QTMAN: variants seen among roughly 807,000 people sequenced by gnomAD.
QTMAN encodes the protein tRNA-queuosine alpha-mannosyltransferase.
chr2:144,222,669 A>G, the QTMAN span, among the ~76,000 whole-genome samples: 1 of 151,924 alleles, frequency 6.6e-6, no homozygotes, highest in African/African-American at 2.4e-5. Flanking sequence ...TTAGCCAGGC[A>G]TGGTGGCAGG....
the QTMAN span, among the ~76,000 whole-genome samples, chr2:144,281,181 G>A: frequency 6.6e-6 from 1 of 150,916 alleles, no homozygotes; most frequent in Non-Finnish European, 1.5e-5. Flanking sequence ...TTGCCTGGGA[G>A]AGAGTGAAAC....
chr2:144,050,504 G>A, the QTMAN span, among the ~76,000 whole-genome samples: 6 of 151,994 alleles, frequency 3.9e-5, no homozygotes, highest in African/African-American at 1.5e-4. Flanking sequence ...GTTGAGAGGA[G>A]TTGCTTTTAT....
the QTMAN span, among the ~76,000 whole-genome samples, chr2:144,126,885 G>A: frequency 6.6e-6 from 1 of 151,876 alleles, no homozygotes; most frequent in Non-Finnish European, 1.5e-5. Context: ...TAATCTTTTT[G>A]GTAATAACTA....
chr2:144,099,347 TAGTAAATAGAAGAC>T, the QTMAN span, among the ~76,000 whole-genome samples: 5 of 152,160 alleles, frequency 3.3e-5, no homozygotes, highest in Non-Finnish European at 5.9e-5. Context: ...GATGCAAATG[TAGTAAATAGAAGAC>T]AGAATGTTAT....
At chr2:144,242,791 G>A in the QTMAN span, among the ~76,000 whole-genome samples, 1,731 of 151,570 alleles carry the variant, frequency 0.011, 30 homozygotes, top group African/African-American at 0.04. Context: ...GCAAAACCCC[G>A]TCTCTATTAA....
chr2:144,033,486 A>T, the QTMAN span, among the ~76,000 whole-genome samples: 1 of 152,200 alleles, frequency 6.6e-6, no homozygotes, highest in Non-Finnish European at 1.5e-5. Context: ...TGCCCTCTCC[A>T]GGTGCACCCC....
At chr2:144,069,216 A>G in the QTMAN span, among the ~76,000 whole-genome samples, 1 of 151,208 alleles carries the variant, frequency 6.6e-6, no homozygotes, top group Non-Finnish European at 1.5e-5. Context: ...CTGCGGGAAC[A>G]CTGTTTTAAA....
At chr2:144,245,750 C>G in the QTMAN span, among the ~76,000 whole-genome samples, 1 of 151,730 alleles carries the variant, frequency 6.6e-6, no homozygotes, top group African/African-American at 2.4e-5. Flanking sequence ...TGGAATGGAC[C>G]AAGAAGGGAA....
chr2:144,210,804 T>TA, the QTMAN span: 1 of 152,132 alleles, frequency 6.6e-6, no homozygotes, highest in African/African-American at 2.4e-5. Context: ...ATAAGCAGTT[T>TA]AACATTAATT....
chr2:143,951,435 G>A, the QTMAN span, among the ~76,000 whole-genome samples: 1 of 151,638 alleles, frequency 6.6e-6, no homozygotes. Context: ...GCCATTCAGA[G>A]ATGAGACTGA....
the QTMAN span, among the ~76,000 whole-genome samples, chr2:144,076,654 T>G: frequency 6.6e-6 from 1 of 152,168 alleles, no homozygotes; most frequent in East Asian, 1.9e-4. Flanking sequence ...TCACATTACT[T>G]TGGGGAAAAA....
At chr2:144,096,550 T>C in the QTMAN span, among the ~76,000 whole-genome samples, 4 of 152,248 alleles carry the variant, frequency 2.6e-5, no homozygotes, top group African/African-American at 7.2e-5. Context: ...TGAAGAATTA[T>C]AGTGTCATGT....
the QTMAN span, among the ~76,000 whole-genome samples, chr2:144,202,318 T>C: frequency 6.6e-6 from 1 of 152,248 alleles, no homozygotes; most frequent in East Asian, 1.9e-4. Context: ...AGTAAACATA[T>C]TGACTAAGAC....
At chr2:144,091,933 G>C in the QTMAN span, among the ~76,000 whole-genome samples, 1 of 152,070 alleles carries the variant, frequency 6.6e-6, no homozygotes, top group South Asian at 2.1e-4. Context: ...ATAAAAAGAA[G>C]TGCATACTAT....
chr2:144,201,464 G>A, the QTMAN span, among the ~76,000 whole-genome samples: 1 of 152,192 alleles, frequency 6.6e-6, no homozygotes, highest in African/African-American at 2.4e-5. Flanking sequence ...GCAACCCTGT[G>A]CATACTCTGG....
chr2:144,178,470 T>C, the QTMAN span: 1 of 152,368 alleles, frequency 6.6e-6, no homozygotes, highest in East Asian at 1.9e-4. Flanking sequence ...AAAATGCAGG[T>C]TGACACTGTA....
chr2:144,166,119 T>G, the QTMAN span, among the ~76,000 whole-genome samples: 4 of 152,188 alleles, frequency 2.6e-5, no homozygotes, highest in Non-Finnish European at 4.4e-5. Flanking sequence ...CTCATCTATT[T>G]CACAATTGGA....
the QTMAN span, among the ~76,000 whole-genome samples, chr2:144,246,236 A>G: frequency 6.6e-6 from 1 of 152,254 alleles, no homozygotes; most frequent in Non-Finnish European, 1.5e-5. Flanking sequence ...AGCCAAAGAA[A>G]GTTTCACATA....
the QTMAN span, among the ~76,000 whole-genome samples, chr2:144,201,775 T>C: frequency 7.2e-5 from 11 of 152,162 alleles, no homozygotes; most frequent in African/African-American, 2.2e-4. Context: ...TGGAGGAATT[T>C]TGACCAAGCC....
Sources: allele counts gnomAD v4.1 joint callset (sites outside exome capture counted in the v4.1 genomes callset), GRCh38; gene constraint gnomAD v4.1.1; transcripts MANE v1.5; gene names NCBI Gene and HGNC (gene_info 2026-07-23, HGNC 2026-07-21).